The following RPS6KA5 variants were observed in gnomAD, a reference collection of about 807,000 sequenced individuals.
RPS6KA5 encodes ribosomal protein S6 kinase A5, also known as ribosomal protein S6 kinase alpha-5.
Under a neutral mutation model 85.5 loss-of-function variants are expected in RPS6KA5, and 27 were observed. The observed-to-expected ratio is 0.32, with a 90% CI of 0.23 to 0.44. The LOEUF (loss-of-function observed/expected upper bound fraction) is 0.44, where lower values mean the gene tolerates loss of function less well. Ranked by LOEUF, RPS6KA5 falls within the 20% of genes least tolerant of loss-of-function variation. The pLI is 1.00. For synonymous variants in RPS6KA5, 334 were observed against 348.2 expected, an observed-to-expected ratio of 0.96 and a Z score of 0.46; for missense variants, 811 against 980.9, an observed-to-expected ratio of 0.83 and a Z score of 2.31.
At chr14:90,897,867 C>T (rs1224031724) in intron 12 of RPS6KA5, among the ~76,000 whole-genome samples, 1 of 152,172 alleles carries the variant, frequency 6.6e-6, no homozygotes, top group East Asian at 1.9e-4. Context: ...TCTATATCAT[C>T]TTCAACAGGA....
At chr14:90,933,722 T>C (rs922851810) in intron 5 of RPS6KA5, among the ~76,000 whole-genome samples, 3 of 152,192 alleles carry the variant, frequency 2.0e-5, no homozygotes, top group Admixed American at 6.5e-5. Flanking sequence ...GAAGAAGCCA[T>C]AGTCCTTACA....
chr14:91,060,309 C>T, intron 1 of RPS6KA5, 23 bp downstream of exon 1: 3 of 1,239,528 alleles, frequency 2.4e-6, no homozygotes, highest in Non-Finnish European at 3.0e-6. Context: ...CGGGCCCGGC[C>T]GGCAGAGGGC....
chr14:90,922,717 G>A (rs2036465177), intron 6 of RPS6KA5, among the ~76,000 whole-genome samples: 1 of 152,140 alleles, frequency 6.6e-6, no homozygotes, highest in African/African-American at 2.4e-5. Flanking sequence ...CCAAAGTGCT[G>A]GGATTACAGG....
intron 15 of RPS6KA5, among the ~76,000 whole-genome samples, chr14:90,874,194 A>T (rs2033305055): frequency 6.6e-6 from 1 of 152,226 alleles, no homozygotes; most frequent in African/African-American, 2.4e-5. Context: ...ATGGAGATGG[A>T]GATGCAGAGA....
intron 7 of RPS6KA5, among the ~76,000 whole-genome samples, chr14:90,911,844 C>T (rs1186516563): frequency 1.3e-5 from 2 of 152,094 alleles, no homozygotes; most frequent in Admixed American, 1.3e-4. Flanking sequence ...ACCCCATATG[C>T]GTATCTTAAA....
chr14:90,874,679 C>T (rs2033333747), intron 15 of RPS6KA5, among the ~76,000 whole-genome samples: 1 of 152,024 alleles, frequency 6.6e-6, no homozygotes, highest in South Asian at 2.1e-4. Context: ...GGAAGTGAGG[C>T]AAGGTGAAAG....
chr14:90,993,083 A>G (rs1036662751), intron 2 of RPS6KA5, among the ~76,000 whole-genome samples: 1 of 152,078 alleles, frequency 6.6e-6, no homozygotes, highest in African/African-American at 2.4e-5. Flanking sequence ...CTTCTTCCTA[A>G]AACTACTTCT....
rs767594984 is a variant in RPS6KA5, at chr14:90,875,205, G to A, written c.1992C>T (p.Ile664=). 1 of 1,611,796 alleles carries A rather than the reference G, an allele frequency of 6.2e-7. No homozygotes were observed. Among genetic ancestry groups the A allele is most frequent in the East Asian group, 2.2e-5 (1 of 44,854 alleles). ...KNVSQEAKDL[I]QGLLTVDPNK... Reference sequence around the variant, plus strand: ...AAAATTTCATTAGATTCTTACCTTGGATCAAATCTTTAGCCTCTTGGGATA... The same window carrying A: ...AAAATTTCATTAGATTCTTACCTTGAATCAAATCTTTAGCCTCTTGGGATA... Residue 664 remains isoleucine (I), a synonymous_variant, in exon 15 of 17, where the codon ATC becomes ATT. Transcript: ENST00000614987.
At chr14:91,028,230 T>A (rs1487054912) in intron 1 of RPS6KA5, among the ~76,000 whole-genome samples, 1 of 152,054 alleles carries the variant, frequency 6.6e-6, no homozygotes, top group East Asian at 1.9e-4. Flanking sequence ...CAAAGAAAAT[T>A]TACATGATTT....
In RPS6KA5 at chr14:90,863,302, C is replaced by CAAAAAAAAAAAAAAAAAAAA. The variant is rs61230626; in HGVS notation, c.*8752_*8771dup. ...TGGGTGGCAGAGCGAGACTCCGTCT[C>CAAAAAAAAAAAAAAAAAAAA]AAAAAAAAAAAAAAAAAAAAAAAAA... On this transcript the variant is annotated 3_prime_UTR_variant, in exon 17 of 17. Transcript: ENST00000614987. 2.8e-4 allele frequency: 7 copies of CAAAAAAAAAAAAAAAAAAAA among 24,794 alleles called. No individual in the cohort carries two copies. Among genetic ancestry groups the CAAAAAAAAAAAAAAAAAAAA allele is most frequent in the Non-Finnish European group, 4.4e-4 (5 of 11,454 alleles). The allele number at this position is 24,794 out of a possible 1,614,324, so 1.5% of individuals were successfully genotyped here.
At chr14:91,019,599 C>T (rs138867518) in intron 1 of RPS6KA5, among the ~76,000 whole-genome samples, 228 of 152,228 alleles carry the variant, frequency 1.5e-3, no homozygotes, top group African/African-American at 4.8e-3. Context: ...TATATTTATA[C>T]ACACACACAT....
chr14:91,008,880 T>A (rs1398020971), intron 1 of RPS6KA5, among the ~76,000 whole-genome samples: 1 of 152,120 alleles, frequency 6.6e-6, no homozygotes, highest in Non-Finnish European at 1.5e-5. Flanking sequence ...GGAAAAATGA[T>A]TGCTAAAAAA....
In RPS6KA5 at chr14:90,849,831, C is replaced by CGTAGT. The variant is rs2031899792; in HGVS notation, c.*22242_*22243insACTAC. 1.3e-5 allele frequency: 2 copies of CGTAGT among 152,236 alleles called. No individual in the cohort carries two copies. Among genetic ancestry groups the CGTAGT allele is most frequent in the African/African-American group, 2.4e-5 (1 of 41,450 alleles). The allele number at this position is 152,236 out of a possible 1,614,324, so 9.4% of individuals were successfully genotyped here. On this transcript the variant is annotated 3_prime_UTR_variant, in exon 17 of 17. Coordinates refer to ENST00000614987, the MANE Select transcript of RPS6KA5 (RefSeq NM_004755.4). ...ACCCGTTGATGCTAGATGATGTCCT[C>CGTAGT]AAACCTGACGTAGTAAAGGAAAATC...
At chr14:90,958,737 ACCTAGTGAAGCTTGCATTCCAGTGAGGAT>A in intron 3 of RPS6KA5, among the ~76,000 whole-genome samples, 1 of 152,132 alleles carries the variant, frequency 6.6e-6, no homozygotes, top group South Asian at 2.1e-4. Flanking sequence ...AAAATCTCCA[ACCTAGTGAAGCTTGCATTCCAGTGAGGAT>A]CCTAGTGAAG....
intron 3 of RPS6KA5, among the ~76,000 whole-genome samples, chr14:90,963,368 A>C (rs1267177230): frequency 6.6e-6 from 1 of 152,190 alleles, no homozygotes; most frequent in Non-Finnish European, 1.5e-5. Context: ...ACGTTTCTCC[A>C]CTATGAAGTT....
intron 1 of RPS6KA5, among the ~76,000 whole-genome samples, chr14:91,055,933 A>G (rs892826910): frequency 1.3e-5 from 2 of 152,332 alleles, no homozygotes; most frequent in East Asian, 3.9e-4. Context: ...TGAGTAAGCC[A>G]TCTCGGAAGG....
At chr14:91,025,651 T>C (rs1263305033) in intron 1 of RPS6KA5, among the ~76,000 whole-genome samples, 1 of 151,946 alleles carries the variant, frequency 6.6e-6, no homozygotes, top group Non-Finnish European at 1.5e-5. Flanking sequence ...GTATCATTTC[T>C]GAAGTTCTAA....
chr14:90,995,850 C>G (rs547591797), intron 2 of RPS6KA5, among the ~76,000 whole-genome samples: 2 of 152,214 alleles, frequency 1.3e-5, no homozygotes, highest in South Asian at 4.1e-4. Flanking sequence ...GAAGCCAAGG[C>G]AGGAGGATTA....
intron 7 of RPS6KA5, 127 bp downstream of exon 7, chr14:90,920,079 T>G (rs991565698): frequency 2.8e-6 from 2 of 717,970 alleles, no homozygotes; most frequent in Non-Finnish European, 5.1e-6. Flanking sequence ...AAATGAAAAT[T>G]TACCACATAA....
Sources: allele counts gnomAD v4.1 joint callset (sites outside exome capture counted in the v4.1 genomes callset), GRCh38; gene constraint gnomAD v4.1.1; transcripts MANE v1.5; gene names NCBI Gene and HGNC (gene_info 2026-07-23, HGNC 2026-07-21).